KLRB1: variants seen among roughly 807,000 people sequenced by gnomAD.
The protein encoded by KLRB1 is killer cell lectin-like receptor subfamily B member 1.
In KLRB1, 27 loss-of-function variants were observed where a neutral mutation model predicts 33.5. The observed-to-expected ratio is 0.81, with a 90% CI of 0.59 to 1.11. The LOEUF is 1.11. Among genes scored for constraint, KLRB1 ranks in the 50% most tolerant of loss-of-function variants. The pLI, the probability that KLRB1 is intolerant of heterozygous loss-of-function variation, is 0.00. For synonymous variants in KLRB1, 64 were observed against 88.9 expected, an observed-to-expected ratio of 0.72 and a Z score of 1.58; for missense variants, 241 against 254.1, an observed-to-expected ratio of 0.95 and a Z score of 0.35.
chr12:9,595,850 T>C (rs9988997), intron 5 of KLRB1, among the ~76,000 whole-genome samples: 20,641 of 152,080 alleles, frequency 0.14, 3,232 homozygotes, highest in African/African-American at 0.38. Flanking sequence ...TTCAAAAATA[T>C]GTGCTGAGTA....
rs1403665574 is a variant in KLRB1 at position 9,607,326 on chromosome 12, T to TTCTTTTCTTTCTCTTTCTTC, written c.85+428_85+429insGAAGAAAGAGAAAGAAAAGA. On this transcript the variant is annotated intron_variant, in intron 1 of 5. Transcript: ENST00000229402. ...CTTTCTTTCTTTCTTCTTTTCTTTC[T>TTCTTTTCTTTCTCTTTCTTC]CTTTCTTTCCTTTCTTTCTTTCTTT... Among the ~76,000 whole-genome samples the TTCTTTTCTTTCTCTTTCTTC allele has an allele frequency of 6.1e-3, 328 of 53,354 alleles. 3 individuals are homozygous for TTCTTTTCTTTCTCTTTCTTC. The highest frequency in any genetic ancestry group is 0.011 in the Non-Finnish European group (248 of 22,956). The allele number at this position is 53,354 out of a possible 152,430, so 35.0% of individuals were successfully genotyped here.
At chr12:9,603,676 T>G (rs1864569515) in intron 1 of KLRB1, among the ~76,000 whole-genome samples, 1 of 151,044 alleles carries the variant, frequency 6.6e-6, no homozygotes, top group Non-Finnish European at 1.5e-5. Context: ...CCTCAGGTGA[T>G]CCACCCGCCT....
chr12:9,606,757 TATA>T (rs547245474), intron 1 of KLRB1, among the ~76,000 whole-genome samples: 6,311 of 35,526 alleles, frequency 0.18, 958 homozygotes, highest in African/African-American at 0.29. Flanking sequence ...TATATATATA[TATA>T]TTTTTTTTTT....
chr12:9,605,527 T>G (rs1864589750), intron 1 of KLRB1, among the ~76,000 whole-genome samples: 1 of 152,260 alleles, frequency 6.6e-6, no homozygotes, highest in South Asian at 2.1e-4. Context: ...TAGGAGCTTA[T>G]TTTTTAATGA....
chr12:9,606,750 ATATATATATATTT>A lies in KLRB1; in HGVS notation c.85+992_85+1004del, dbSNP rs1448713460. ...GTATAAAAAGTATATATATATATAT[ATATATATATATTT>A]TTTTTTTTTTTTTGAGATAGTCTTG... is the stretch of plus-strand genomic sequence containing the variant. On this transcript the variant is annotated intron_variant, in intron 1 of 5. Transcript: ENST00000229402. Among the ~76,000 whole-genome samples, 82 of 28,950 alleles carry A rather than the reference ATATATATATATTT, an allele frequency of 2.8e-3. 4 individuals carry two copies. Among genetic ancestry groups the A allele is most frequent in the African/African-American group, 9.2e-3 (67 of 7,280 alleles). The allele number at this position is 28,950 out of a possible 152,430, so 19.0% of individuals were successfully genotyped here. A position where few individuals can be genotyped will look rare whatever the true frequency, so the allele number is the denominator to read the frequency against.
chr12:9,598,680 T>C, intron 3 of KLRB1, 27 bp from the exon 4 acceptor site: 1 of 1,563,152 alleles, frequency 6.4e-7, no homozygotes, highest in Non-Finnish European at 8.8e-7. Context: ...AAATAAGAAA[T>C]AAATGTTATA....
At chr12:9,601,344 C>T (rs1279188224) in intron 2 of KLRB1, among the ~76,000 whole-genome samples, 157 bp downstream of exon 2, 1 of 151,740 alleles carries the variant, frequency 6.6e-6, no homozygotes, top group Non-Finnish European at 1.5e-5. Flanking sequence ...TTTCTCTATA[C>T]TTTGTCTCTG....
At chr12:9,600,965 C>T (rs1175135293) in intron 2 of KLRB1, among the ~76,000 whole-genome samples, 4 of 150,314 alleles carry the variant, frequency 2.7e-5, no homozygotes, top group East Asian at 2.0e-4. Context: ...CATCTGTCTC[C>T]TGCCTGTCCC....
intron 1 of KLRB1, among the ~76,000 whole-genome samples, chr12:9,603,428 T>TTTAA: frequency 6.6e-6 from 1 of 151,706 alleles, no homozygotes; most frequent in South Asian, 2.1e-4. Context: ...CTTAATTCTA[T>TTTAA]TTATTTATTT....
At chr12:9,599,980 T>TA (rs55659351) in intron 2 of KLRB1, 139 bp from the exon 3 acceptor site, 267 of 446,848 alleles carry the variant, frequency 6.0e-4, no homozygotes, top group African/African-American at 3.0e-3. Context: ...AGCGAAGTGG[T>TA]AAAAAAAAAA....
intron 1 of KLRB1, among the ~76,000 whole-genome samples, chr12:9,605,348 T>C (rs1864587768): frequency 6.6e-6 from 1 of 152,218 alleles, no homozygotes; most frequent in African/African-American, 2.4e-5. Flanking sequence ...TTTGAGTATA[T>C]ACCCAGTAGT....
chr12:9,598,510 T>TA lies in KLRB1; in HGVS notation c.402dup (p.Lys135Ter). ...ATTTAATGATTTACCAATTCATCCT[T>TA]ATCTCGAATAAGCAGCAGGCTGGAT... On this transcript the variant is annotated frameshift_variant, in exon 4 of 6. Coordinates refer to ENST00000229402, the MANE Select transcript of KLRB1 (RefSeq NM_002258.3). LOFTEE classifies it high-confidence loss of function. 1 of 1,609,828 alleles carries TA rather than the reference T, an allele frequency of 6.2e-7. No individual in the cohort carries two copies. Among genetic ancestry groups the TA allele is most frequent in the Non-Finnish European group, 8.5e-7 (1 of 1,178,212 alleles).
Position 9,607,343 on chromosome 12 carries a change from T to TCTTCCTTC in KLRB1, c.85+411_85+412insGAAGGAAG, listed in dbSNP as rs1402075077. On this transcript the variant is annotated intron_variant, in intron 1 of 5. Transcript: ENST00000229402. ...TTTCTTTCTCTTTCTTTCCTTTCTT[T>TCTTCCTTC]CTTTCTTTCTTCCTTTCTTTCTTTC... 3.8e-3 allele frequency among the ~76,000 whole-genome samples: 258 copies of TCTTCCTTC among 68,056 alleles called. 1 individual carries two copies. Among genetic ancestry groups the TCTTCCTTC allele is most frequent in the Non-Finnish European group, 5.4e-3 (171 of 31,936 alleles). 44.6% of individuals were successfully genotyped at this position (68,056 alleles called of 152,430 possible).
intron 2 of KLRB1, among the ~76,000 whole-genome samples, chr12:9,601,287 G>A (rs914361913): frequency 2.0e-5 from 3 of 150,834 alleles, no homozygotes; most frequent in Non-Finnish European, 4.4e-5. Context: ...AGAGGCTGGC[G>A]GGATCCTCCA....
At chr12:9,605,582 T>C (rs2120723464) in intron 1 of KLRB1, among the ~76,000 whole-genome samples, 1 of 152,358 alleles carries the variant, frequency 6.6e-6, no homozygotes, top group Admixed American at 6.5e-5. Flanking sequence ...TTATCCACTT[T>C]TCTAACAGAC....
intron 1 of KLRB1, among the ~76,000 whole-genome samples, chr12:9,604,213 C>T (rs987526174): frequency 6.6e-6 from 1 of 151,960 alleles, no homozygotes; most frequent in Non-Finnish European, 1.5e-5. Context: ...GTCCGGCGGA[C>T]GTTAGCTATC....
chr12:9,606,494 G>A (rs1056589149), intron 1 of KLRB1: 8 of 151,594 alleles, frequency 5.3e-5, no homozygotes, highest in African/African-American at 1.9e-4. Flanking sequence ...GAGTATTTTT[G>A]TGGCTTGTCT....
intron 5 of KLRB1, 72 bp downstream of exon 5, chr12:9,597,974 C>T: frequency 1.4e-6 from 1 of 712,662 alleles, no homozygotes; most frequent in South Asian, 1.7e-5. Context: ...AAAACTCAAT[C>T]TTCAGTGTTA....
rs775856610 is a variant in KLRB1, at chr12:9,598,106, T to C, written c.470A>G (p.Asn157Ser). The stretch of plus-strand genomic sequence containing the variant: ...CCAGTTCTTTTCTGATAATGAAAAA[T>C]TTAATCCAATCCAAAACAGAATTGC... ...DKAILFWIGL[N>S]FSLSEKNWKW... The change falls in exon 5 of 6, where the codon AAT (asparagine) becomes AGT (serine). Residue 157 changes from asparagine (N) to serine (S), a missense_variant. Transcript: ENST00000229402. 4 of 1,598,540 alleles carry C rather than the reference T, an allele frequency of 2.5e-6. No individual in the cohort carries two copies. In the South Asian group the frequency reaches 4.6e-5, roughly 18 times the overall value.
Sources: gnomAD v4.1 joint callset for allele counts (sites outside exome capture counted in the v4.1 genomes callset) on GRCh38, gnomAD v4.1.1 for gene constraint, MANE v1.5 for transcripts, NCBI Gene and HGNC (gene_info 2026-07-23, HGNC 2026-07-21) for gene names.